Variants in CYP39A1 observed in about 807,000 individuals in gnomAD.
The protein encoded by CYP39A1 is 24-hydroxycholesterol 7-alpha-hydroxylase.
In CYP39A1, 49 loss-of-function variants were observed where a neutral mutation model predicts 58.1. That is an observed-to-expected ratio of 0.84 (90% confidence interval 0.67 to 1.07). The LOEUF (loss-of-function observed/expected upper bound fraction) is 1.07. Among genes scored for constraint, CYP39A1 ranks in the 50% least tolerant of loss-of-function variants. The pLI is 0.00. For missense variants in CYP39A1, 531 were observed against 539.4 expected, an observed-to-expected ratio of 0.98 and a Z score of 0.16; for synonymous variants, 209 against 187.6, an observed-to-expected ratio of 1.11 and a Z score of -0.93.
rs770141537 is a variant in CYP39A1 at position 46,553,672 on chromosome 6, T to A, written c.1338+95A>T. 1.5e-4 allele frequency: 118 copies of A among 795,614 alleles called. No homozygotes were observed. In the Middle Eastern group the frequency reaches 4.0e-3, roughly 27 times the overall value. 49.3% of individuals were successfully genotyped at this position (795,614 alleles called of 1,614,324 possible). A position where few individuals can be genotyped will look rare whatever the true frequency, so the allele number is the denominator to read the frequency against. ...AAGATCAGGCCTAAGTGAGGAAATG[T>A]CAGCTCATCTCTAGTAATCAAAATT... On this transcript the variant is annotated intron_variant, in intron 11 of 11. Transcript: ENST00000275016.
rs769372546 is a variant in CYP39A1 at position 46,642,176 on chromosome 6, G to A, written c.300C>T (p.Ile100=). 3.1e-6 allele frequency: 5 copies of A among 1,612,294 alleles called. No individual in the cohort carries two copies. Among genetic ancestry groups the A allele is most frequent in the East Asian group, 2.2e-5 (1 of 44,694 alleles). The change falls in exon 2 of 12, where the codon ATC becomes ATT. Residue 100 remains isoleucine (I), a synonymous_variant. Transcript: ENST00000275016. ...KVDFELAVQN[I]VYRTASIPKN... is the part of the protein sequence containing the mutation. ...AATATTCTTTACCTGTACGATAAAC[G>A]ATATTTTGCACTGCTAGTTCAAAAT... is the stretch of plus-strand genomic sequence containing the variant.
intron 10 of CYP39A1, among the ~76,000 whole-genome samples, chr6:46,585,039 A>G (rs1200276390): frequency 1.3e-5 from 2 of 152,158 alleles, no homozygotes; most frequent in Admixed American, 6.6e-5. Flanking sequence ...AGCGTGCTCT[A>G]AAAATACGTA....
chr6:46,613,702 T>C (rs1774353547), intron 7 of CYP39A1, among the ~76,000 whole-genome samples: 1 of 151,056 alleles, frequency 6.6e-6, no homozygotes, highest in African/African-American at 2.4e-5. Context: ...TTTTATTTGT[T>C]TGTTTTTTTT....
At chr6:46,616,710 G>T (rs1465420525) in intron 7 of CYP39A1, among the ~76,000 whole-genome samples, 1 of 152,094 alleles carries the variant, frequency 6.6e-6, no homozygotes, top group Non-Finnish European at 1.5e-5. Flanking sequence ...ACAAATATTT[G>T]CTGAATTAAT....
chr6:46,579,167 T>C (rs541004649), intron 10 of CYP39A1, among the ~76,000 whole-genome samples: 1 of 152,110 alleles, frequency 6.6e-6, no homozygotes, highest in East Asian at 1.9e-4. Flanking sequence ...ACTTACTTTG[T>C]TTACTTTATT....
intron 5 of CYP39A1, among the ~76,000 whole-genome samples, chr6:46,635,822 C>A (rs546632932): frequency 3.3e-5 from 5 of 152,260 alleles, no homozygotes; most frequent in African/African-American, 1.2e-4. Context: ...GTCGGCCCCC[C>A]AAAGTGCTGG....
chr6:46,623,162 A>G (rs920240033), intron 7 of CYP39A1, among the ~76,000 whole-genome samples: 1 of 151,566 alleles, frequency 6.6e-6, no homozygotes, highest in Non-Finnish European at 1.5e-5. Context: ...TGTGATGATA[A>G]TTTGTACATG....
Position 46,648,743 on chromosome 6 carries a change from G to A in CYP39A1, c.177+3663C>T, listed in dbSNP as rs149462975. On this transcript the variant is annotated intron_variant, in intron 1 of 11. Transcript: ENST00000275016. ...CAAGAAAATGATTAAGATGCAGAGAGGGTAGGTCAAAAAGACTAAAAGGAT... is the reference window on the plus strand; with the variant it reads ...CAAGAAAATGATTAAGATGCAGAGAAGGTAGGTCAAAAAGACTAAAAGGAT... 1.5e-3 allele frequency among the ~76,000 whole-genome samples: 223 copies of A among 152,052 alleles called. 6 individuals are homozygous for A. In the East Asian group the frequency reaches 0.038, roughly 26 times the overall value.
chr6:46,644,372 T>A (rs1245550879), intron 1 of CYP39A1, among the ~76,000 whole-genome samples: 1 of 152,140 alleles, frequency 6.6e-6, no homozygotes, highest in Non-Finnish European at 1.5e-5. Context: ...TTAAACATTA[T>A]GAAGGCTGGG....
At chr6:46,582,661 A>C (rs1349116135) in intron 10 of CYP39A1, among the ~76,000 whole-genome samples, 4 of 151,214 alleles carry the variant, frequency 2.6e-5, no homozygotes, top group Non-Finnish European at 5.9e-5. Flanking sequence ...GGCATTTGTC[A>C]TGTGCCATCT....
At position 46,553,746 on chromosome 6, in the gene CYP39A1, CA is replaced by C; in HGVS notation, c.1338+20del. On this transcript the variant is annotated intron_variant, in intron 11 of 11. Coordinates refer to ENST00000275016, the MANE Select transcript of CYP39A1 (RefSeq NM_016593.5). Reference sequence around the variant, plus strand: ...CATATTTATAAGTAGTCATGATACTCAAAATTCTGAAAACACTTACCTGTTT... The same window carrying C: ...CATATTTATAAGTAGTCATGATACTCAAATTCTGAAAACACTTACCTGTTT... 1.9e-6 allele frequency: 3 copies of C among 1,538,596 alleles called. No homozygotes were observed. The highest frequency in any genetic ancestry group is 9.0e-7 in the Non-Finnish European group (1 of 1,113,952).
At chr6:46,561,533 A>T (rs980299648) in intron 10 of CYP39A1, among the ~76,000 whole-genome samples, 4 of 152,048 alleles carry the variant, frequency 2.6e-5, no homozygotes. Context: ...TGTTGACTCC[A>T]TGCAGAAGGT....
At chr6:46,624,945 A>G (rs1305927501) in intron 7 of CYP39A1, among the ~76,000 whole-genome samples, 1 of 151,738 alleles carries the variant, frequency 6.6e-6, no homozygotes, top group African/African-American at 2.4e-5. Context: ...CTTTTTGTTT[A>G]CTTGTTTTTT....
chr6:46,619,125 C>T (rs532195709), intron 7 of CYP39A1, among the ~76,000 whole-genome samples: 1 of 152,150 alleles, frequency 6.6e-6, no homozygotes, highest in Non-Finnish European at 1.5e-5. Context: ...TCCCAACTGA[C>T]TGACCATCAT....
rs1239380802 is a variant in CYP39A1, at chr6:46,642,215, T to C, written c.261A>G (p.Lys87=). The C allele has an allele frequency of 6.2e-7, 1 of 1,612,938 alleles. No individual in the cohort carries two copies. Among genetic ancestry groups the C allele is most frequent in the East Asian group, 2.2e-5 (1 of 44,710 alleles). Residue 87 remains lysine (K), a synonymous_variant, in exon 2 of 12, where the codon AAA becomes AAG. Transcript: ENST00000275016. ...CTAGTTCAAAATCTACTTTTTTGGATTTTAGAAACACATTAATTCCTTCTT... is the reference window on the plus strand; with the variant it reads ...CTAGTTCAAAATCTACTTTTTTGGACTTTAGAAACACATTAATTCCTTCTT... ...TEEEGINVFL[K]SKKVDFELAV... is the part of the protein sequence containing the mutation.
At chr6:46,622,591 A>G (rs1310391230) in intron 7 of CYP39A1, among the ~76,000 whole-genome samples, 1 of 152,096 alleles carries the variant, frequency 6.6e-6, no homozygotes, top group Non-Finnish European at 1.5e-5. Flanking sequence ...CCAGGTGACA[A>G]AGTGAGACCC....
intron 10 of CYP39A1, among the ~76,000 whole-genome samples, chr6:46,554,595 CACAT>C (rs3839569): frequency 0.2 from 30,337 of 152,042 alleles, 3,105 homozygotes; most frequent in African/African-American, 0.21. Context: ...TTTTCTAAGA[CACAT>C]ACAAATAGAA....
chr6:46,552,461 T>G (rs1009093533), intron 11 of CYP39A1, among the ~76,000 whole-genome samples: 1 of 152,208 alleles, frequency 6.6e-6, no homozygotes, highest in African/African-American at 2.4e-5. Flanking sequence ...TATTTGTGAG[T>G]AATAAAATAC....
intron 7 of CYP39A1, among the ~76,000 whole-genome samples, chr6:46,618,607 C>T (rs1405297039): frequency 2.6e-5 from 4 of 151,886 alleles, no homozygotes; most frequent in African/African-American, 9.7e-5. Context: ...ACATTATTTA[C>T]CATTCATACG....
Sources: allele counts gnomAD v4.1 joint callset (sites outside exome capture counted in the v4.1 genomes callset), GRCh38; gene constraint gnomAD v4.1.1; transcripts MANE v1.5; gene names NCBI Gene and HGNC (gene_info 2026-07-23, HGNC 2026-07-21).